GLRA1: variants seen among roughly 807,000 people sequenced by gnomAD.
GLRA1 encodes glycine receptor subunit alpha-1.
In GLRA1, 37 loss-of-function variants were observed where a neutral mutation model predicts 48.3. That is an observed-to-expected ratio of 0.77 (90% confidence interval 0.59 to 1.01). The LOEUF (loss-of-function observed/expected upper bound fraction) is 1.01, where lower values mean the gene tolerates loss of function less well. Among genes scored for constraint, GLRA1 ranks in the 50% least tolerant of loss-of-function variants. GLRA1 has a pLI of 0.00. For missense variants in GLRA1, 427 were observed against 571.0 expected (o/e 0.75, Z 2.57); for synonymous variants, 196 against 210.7 (o/e 0.93, Z 0.60).
chr5:151,890,196 G>A (rs577196068), intron 2 of GLRA1, among the ~76,000 whole-genome samples: 1 of 152,130 alleles, frequency 6.6e-6, no homozygotes, highest in Non-Finnish European at 1.5e-5. Context: ...ACTTGAAAAA[G>A]TCACTTAACT....
chr5:151,828,440 A>G (rs185201127), intron 8 of GLRA1, among the ~76,000 whole-genome samples: 3 of 152,154 alleles, frequency 2.0e-5, no homozygotes, highest in Non-Finnish European at 4.4e-5. Flanking sequence ...GAGAGAACCC[A>G]CTCTGGCAGA....
chr5:151,920,374 G>A (rs1032966902), intron 1 of GLRA1, among the ~76,000 whole-genome samples: 1 of 152,134 alleles, frequency 6.6e-6, no homozygotes, highest in African/African-American at 2.4e-5. Context: ...TCAAATTATA[G>A]CCCAACTTCT....
intron 1 of GLRA1, among the ~76,000 whole-genome samples, chr5:151,902,211 C>T (rs1325478931): frequency 2.0e-5 from 3 of 152,104 alleles, no homozygotes; most frequent in African/African-American, 7.2e-5. Context: ...GCTGTGACAA[C>T]ATCTCCATGT....
In GLRA1 at chr5:151,850,524, A is replaced by T. The variant is rs1752871480; in HGVS notation, c.912+866T>A. The T allele has an allele frequency of 3.9e-6, 4 of 1,026,342 alleles. No homozygotes were observed. The Admixed American group carries it at 6.8e-5, about 17-fold the overall frequency. The allele number at this position is 1,026,342 out of a possible 1,614,324, so 63.6% of individuals were successfully genotyped here. A position where few individuals can be genotyped will look rare whatever the true frequency, so the allele number is the denominator to read the frequency against. ...GAAACTAAGCAGTGGCACCAGTACC[A>T]CATCCACGCTTATGATCCCAAGGGA... On this transcript the variant is annotated intron_variant, in intron 7 of 8. Transcript: ENST00000274576.
At chr5:151,829,938 T>C (rs937600084) in intron 7 of GLRA1, among the ~76,000 whole-genome samples, 1 of 152,262 alleles carries the variant, frequency 6.6e-6, no homozygotes, top group Non-Finnish European at 1.5e-5. Flanking sequence ...CCCTGTTTTA[T>C]GGATATACAA....
In GLRA1 at chr5:151,861,193, G is replaced by T. The variant is rs544783333; in HGVS notation, c.253-1185C>A. On this transcript the variant is annotated intron_variant, in intron 3 of 8. Coordinates refer to ENST00000274576, the MANE Select transcript of GLRA1 (RefSeq NM_000171.4). ...ATAATGCCACAATAAACATACGTGT[G>T]CATGTGTCTTTATAGCAGCATGATT... Among the ~76,000 whole-genome samples, 144 of 152,276 alleles carry T rather than the reference G, an allele frequency of 9.5e-4. 1 individual carries two copies. Among genetic ancestry groups the T allele is most frequent in the African/African-American group, 3.3e-3 (135 of 41,534 alleles).
chr5:151,824,549 C>G (rs1163687737), intron 8 of GLRA1, among the ~76,000 whole-genome samples: 1 of 152,134 alleles, frequency 6.6e-6, no homozygotes, highest in Non-Finnish European at 1.5e-5. Context: ...TTGAAAATGT[C>G]ATGGTTCTTT....
chr5:151,863,550 C>T (rs543000329), intron 3 of GLRA1, among the ~76,000 whole-genome samples: 37 of 152,208 alleles, frequency 2.4e-4, no homozygotes, highest in African/African-American at 8.9e-4. Context: ...GCAGGAAGGG[C>T]ATAGCTCTCT....
In GLRA1 at chr5:151,859,915, A is replaced by G. The variant is rs932099226; in HGVS notation, c.346T>C (p.Ser116Pro). 1 of 1,614,036 alleles carries G rather than the reference A, an allele frequency of 6.2e-7. No individual in the cohort carries two copies. The highest frequency in any genetic ancestry group is 8.5e-7 in the Non-Finnish European group (1 of 1,179,908). ...GGTTTCCAGATGGAGTCCAGCATGG[A>G]TGGGTCCAGGTCCAGAGAGTCGTCA... ...YPDDSLDLDP[S>P]MLDSIWKPDL... Residue 116 changes from serine to proline, a missense_variant, in exon 4 of 9, where the codon TCC becomes CCC. By Grantham distance (74) the Ser-to-Pro change is moderately conservative (BLOSUM62 -1). Around this residue, in one of 4 missense-constraint regions of GLRA1, gnomAD observed 271 missense variants for 434.9 expected, o/e 0.62. Coordinates refer to ENST00000274576, the MANE Select transcript of GLRA1 (RefSeq NM_000171.4).
chr5:151,849,452 TTTCCTTCC>T (rs1377147013), intron 7 of GLRA1, among the ~76,000 whole-genome samples: 450 of 15,652 alleles, frequency 0.029, 51 homozygotes, highest in African/African-American at 0.057. Context: ...TTTCCTTTCC[TTTCCTTCC>T]TTCCTTCCTT....
intron 3 of GLRA1, among the ~76,000 whole-genome samples, chr5:151,860,802 G>C (rs1581624611): frequency 6.6e-6 from 1 of 152,130 alleles, no homozygotes; most frequent in Non-Finnish European, 1.5e-5. Flanking sequence ...ATGTATACAT[G>C]TGCCATGTTG....
intron 7 of GLRA1, among the ~76,000 whole-genome samples, chr5:151,830,703 A>G (rs1020120960): frequency 6.6e-5 from 10 of 152,042 alleles, no homozygotes; most frequent in Non-Finnish European, 1.5e-4. Context: ...CTGAGCAGAG[A>G]CTTCAGTAGT....
intron 1 of GLRA1, among the ~76,000 whole-genome samples, chr5:151,905,502 T>G (rs1471409091): frequency 1.3e-5 from 2 of 152,116 alleles, no homozygotes; most frequent in African/African-American, 4.8e-5. Flanking sequence ...GGCATTTATA[T>G]TATTTTCAAT....
At chr5:151,857,904 C>T (rs541796247) in intron 4 of GLRA1, among the ~76,000 whole-genome samples, 4 of 152,204 alleles carry the variant, frequency 2.6e-5, no homozygotes, top group African/African-American at 4.8e-5. Flanking sequence ...GTGAGAAACC[C>T]AGGGTGCAGA....
chr5:151,915,010 A>G (rs1054190660), intron 1 of GLRA1, among the ~76,000 whole-genome samples: 1 of 152,118 alleles, frequency 6.6e-6, no homozygotes, highest in Non-Finnish European at 1.5e-5. Flanking sequence ...CTATAGTCAC[A>G]CCCAATTTTC....
At chr5:151,855,320 A>T in intron 5 of GLRA1, 143 bp from the exon 6 acceptor site, 1 of 726,140 alleles carries the variant, frequency 1.4e-6, no homozygotes, top group Non-Finnish European at 2.4e-6. Flanking sequence ...TTTTCCTCTC[A>T]AAAGAGGTAA....
intron 1 of GLRA1, among the ~76,000 whole-genome samples, chr5:151,901,234 C>CAACCAT (rs1754359801): frequency 1.3e-5 from 2 of 152,134 alleles, no homozygotes; most frequent in African/African-American, 4.8e-5. Flanking sequence ...ATAATGCTAC[C>CAACCAT]ACAACCATCT....
At chr5:151,827,187 T>TTTTG (rs1209446939) in intron 8 of GLRA1, among the ~76,000 whole-genome samples, 4 of 145,964 alleles carry the variant, frequency 2.7e-5, no homozygotes, top group African/African-American at 9.9e-5. Context: ...TTTTTTTTTT[T>TTTTG]AAAGCATCAG....
At chr5:151,906,077 G>T (rs1336568922) in intron 1 of GLRA1, among the ~76,000 whole-genome samples, 1 of 152,074 alleles carries the variant, frequency 6.6e-6, no homozygotes, top group Non-Finnish European at 1.5e-5. Context: ...AGCGGGTTCT[G>T]ATTTATTAGC....
Sources: gnomAD v4.1 joint callset for allele counts (sites outside exome capture counted in the v4.1 genomes callset) on GRCh38, gnomAD v4.1.1 for gene constraint, gnomAD v4.1.1 regional missense constraint, MANE v1.5 for transcripts, NCBI Gene and HGNC (gene_info 2026-07-23, HGNC 2026-07-21) for gene names.